MET: variants seen among roughly 807,000 people sequenced by gnomAD.
MET encodes the protein MET proto-oncogene, receptor tyrosine kinase.
In MET, 48 loss-of-function variants were observed where a neutral mutation model predicts 133.1. The ratio of observed to expected loss-of-function variants is 0.36; its 90% CI spans 0.29 to 0.46. MET has a LOEUF of 0.46. Among genes scored for constraint, MET ranks in the 20% least tolerant of loss-of-function variants. The pLI, the probability that MET is intolerant of heterozygous loss-of-function variation, is 1.00. For synonymous variants in MET, 628 were observed against 616.5 expected, an observed-to-expected ratio of 1.02 and a Z score of -0.28; for missense variants, 1,442 against 1,695.9, an observed-to-expected ratio of 0.85 and a Z score of 2.63.
intron 11 of MET, among the ~76,000 whole-genome samples, chr7:116,763,900 A>G (rs1794508423): frequency 6.6e-6 from 1 of 152,234 alleles, no homozygotes; most frequent in Admixed American, 6.5e-5. Flanking sequence ...CAGCTTTTTT[A>G]TGTCCCTTCA....
intron 2 of MET, among the ~76,000 whole-genome samples, chr7:116,722,217 T>C (rs984805752): frequency 5.3e-5 from 8 of 151,582 alleles, no homozygotes; most frequent in Non-Finnish European, 1.0e-4. Flanking sequence ...TCTTGTTGAA[T>C]TGATCCCTTT....
At chr7:116,781,774 C>T (rs1795161528) in intron 17 of MET, among the ~76,000 whole-genome samples, 1 of 152,168 alleles carries the variant, frequency 6.6e-6, no homozygotes. Context: ...GACAGGATCT[C>T]ACTGTGTTGC....
intron 2 of MET, among the ~76,000 whole-genome samples, chr7:116,715,552 G>A (rs998002711): frequency 6.6e-6 from 1 of 151,274 alleles, no homozygotes; most frequent in Non-Finnish European, 1.5e-5. Context: ...ATAAGGTCAC[G>A]ATCTGACTTT....
chr7:116,707,065 T>TTGGGAAGCAGTA (rs1314242184), intron 2 of MET, among the ~76,000 whole-genome samples: 1 of 152,100 alleles, frequency 6.6e-6, no homozygotes, highest in African/African-American at 2.4e-5. Flanking sequence ...TCACTCTGCC[T>TTGGGAAGCAGTA]TGGGAAGCAG....
At chr7:116,681,265 C>G (rs969543202) in intron 1 of MET, among the ~76,000 whole-genome samples, 2 of 151,956 alleles carry the variant, frequency 1.3e-5, no homozygotes, top group Non-Finnish European at 1.5e-5. Flanking sequence ...CCCAGGCACT[C>G]TAAATGAAAT....
At chr7:116,756,962 C>A (rs889613773) in intron 6 of MET, among the ~76,000 whole-genome samples, 1 of 152,098 alleles carries the variant, frequency 6.6e-6, no homozygotes, top group Non-Finnish European at 1.5e-5. Context: ...GGTGCAGTGG[C>A]TTACGCCTGT....
At position 116,796,166 on chromosome 7, in the gene MET, T is replaced by C. The variant is rs2117114842; in HGVS notation, c.*42T>C. ...AAGCAACAGTCCACACTTTGTCCAA[T>C]GGTTTTTTCACTGCCTGACCTTTAA... On this transcript the variant is annotated 3_prime_UTR_variant, in exon 21 of 21. Transcript: ENST00000397752. 2 of 1,583,316 alleles carry C rather than the reference T, an allele frequency of 1.3e-6. No individual in the cohort carries two copies. The highest frequency in any genetic ancestry group is 1.7e-6 in the Non-Finnish European group (2 of 1,154,074).
intron 8 of MET, 139 bp from the exon 9 acceptor site, chr7:116,758,320 C>A: frequency 1.2e-6 from 1 of 808,074 alleles, no homozygotes; most frequent in Non-Finnish European, 2.1e-6. Context: ...GATTAAACAG[C>A]CTACACTAGA....
intron 5 of MET, among the ~76,000 whole-genome samples, chr7:116,749,111 C>G (rs1283943833): frequency 6.6e-6 from 1 of 152,194 alleles, no homozygotes; most frequent in African/African-American, 2.4e-5. Flanking sequence ...TTTTATGAGG[C>G]CAGCATCATC....
intron 3 of MET, among the ~76,000 whole-genome samples, chr7:116,738,453 C>T (rs1793316773): frequency 6.6e-6 from 1 of 152,132 alleles, no homozygotes; most frequent in South Asian, 2.1e-4. Flanking sequence ...GTCACCAATA[C>T]CTATTGGGCC....
intron 19 of MET, among the ~76,000 whole-genome samples, chr7:116,787,208 G>A (rs779146959): frequency 6.6e-6 from 1 of 152,250 alleles, no homozygotes; most frequent in South Asian, 2.1e-4. Context: ...GAGGGAGACT[G>A]GGGACATGTT....
At chr7:116,792,623 A>G (rs977892325) in intron 19 of MET, among the ~76,000 whole-genome samples, 1 of 151,808 alleles carries the variant, frequency 6.6e-6, no homozygotes, top group Non-Finnish European at 1.5e-5. Context: ...AGACAATACA[A>G]TGCTCTTCCT....
At chr7:116,713,133 C>A (rs1480199513) in intron 2 of MET, among the ~76,000 whole-genome samples, 1 of 152,168 alleles carries the variant, frequency 6.6e-6, no homozygotes, top group Non-Finnish European at 1.5e-5. Context: ...CGGTGGCTCA[C>A]GCCTGTAATC....
intron 19 of MET, among the ~76,000 whole-genome samples, chr7:116,786,959 G>A (rs1795334150): frequency 6.6e-6 from 1 of 152,198 alleles, no homozygotes; most frequent in Admixed American, 6.5e-5. Flanking sequence ...AAGAAATTGT[G>A]ACTTCAACTG....
chr7:116,758,769 C>T (rs1362753843), intron 9 of MET, 149 bp downstream of exon 9: 1 of 754,800 alleles, frequency 1.3e-6, no homozygotes, highest in Non-Finnish European at 2.2e-6. Flanking sequence ...GGAGAGAAAA[C>T]TATATTCAGG....
intron 2 of MET, among the ~76,000 whole-genome samples, chr7:116,727,588 C>G (rs1004826950): frequency 3.3e-5 from 5 of 152,176 alleles, no homozygotes; most frequent in African/African-American, 1.2e-4. Context: ...TTCTGCAGTT[C>G]CCCAAAGCAG....
chr7:116,711,688 G>A (rs1449342390), intron 2 of MET, among the ~76,000 whole-genome samples: 2 of 151,846 alleles, frequency 1.3e-5, no homozygotes, highest in African/African-American at 2.4e-5. Flanking sequence ...GACCTCAGTG[G>A]CTCCTCCTCA....
chr7:116,769,907 C>A, intron 12 of MET, 116 bp downstream of exon 12: 1 of 1,397,330 alleles, frequency 7.2e-7, no homozygotes, highest in Non-Finnish European at 1.0e-6. Flanking sequence ...GGCTCATCAA[C>A]TCAGCCTGCA....
At chr7:116,679,574 G>A (rs1562872638) in intron 1 of MET, among the ~76,000 whole-genome samples, 1 of 152,170 alleles carries the variant, frequency 6.6e-6, no homozygotes, top group Non-Finnish European at 1.5e-5. Context: ...AAAAAGGGCA[G>A]GTCGCTTGTA....
Sources: allele counts gnomAD v4.1 joint callset (sites outside exome capture counted in the v4.1 genomes callset), GRCh38; gene constraint gnomAD v4.1.1; transcripts MANE v1.5; gene names NCBI Gene and HGNC (gene_info 2026-07-23, HGNC 2026-07-21).